The following NFAT5 variants were observed in gnomAD, a reference collection of about 807,000 sequenced individuals.
NFAT5 encodes nuclear factor of activated T-cells 5.
Under a neutral mutation model 166.5 loss-of-function variants are expected in NFAT5, and 31 were observed. The ratio of observed to expected loss-of-function variants is 0.19; its 90% CI spans 0.14 to 0.25. The LOEUF (loss-of-function observed/expected upper bound fraction) is 0.25, where lower values mean the gene tolerates loss of function less well. Among genes scored for constraint, NFAT5 ranks in the 10% least tolerant of loss-of-function variants. NFAT5 has a pLI of 1.00. For missense variants in NFAT5, 1,449 were observed against 1,821.8 expected, an observed-to-expected ratio of 0.80 and a Z score of 3.72; for synonymous variants, 612 against 639.7, an observed-to-expected ratio of 0.96 and a Z score of 0.65.
At position 69,651,560 on chromosome 16, in the gene NFAT5, A is replaced by G. The variant is rs140758272; in HGVS notation, c.813-1676A>G. ...TGGAATCTGGTTGCTTTTAGAGGAG[A>G]TTTTTCTTCACAGTCATCTGGCTCC... On this transcript the variant is annotated intron_variant, in intron 4 of 14. Transcript: ENST00000349945. Among the ~76,000 whole-genome samples the G allele has an allele frequency of 2.6e-5, 4 of 151,740 alleles. No individual in the cohort carries two copies. The East Asian group carries it at 7.7e-4, about 29-fold the overall frequency.
chr16:69,626,337 G>A, intron 2 of NFAT5, 66 bp from the exon 3 acceptor site: 2 of 1,404,794 alleles, frequency 1.4e-6, no homozygotes, highest in South Asian at 2.9e-5. Flanking sequence ...CTCATTTTGT[G>A]CATATTAGAT....
chr16:69,623,997 C>T (rs915100002), intron 2 of NFAT5, among the ~76,000 whole-genome samples: 16 of 151,892 alleles, frequency 1.1e-4, no homozygotes, highest in African/African-American at 3.9e-4. Flanking sequence ...GTGATCCACC[C>T]GCCTCGGCTT....
intron 2 of NFAT5, among the ~76,000 whole-genome samples, chr16:69,620,150 A>G (rs908549404): frequency 1.1e-4 from 17 of 152,164 alleles, no homozygotes; most frequent in East Asian, 1.9e-4. Context: ...TCATTCTTCT[A>G]TTTCCTTTTT....
intron 7 of NFAT5, among the ~76,000 whole-genome samples, chr16:69,669,137 C>T (rs1014543222): frequency 6.6e-6 from 1 of 152,180 alleles, no homozygotes; most frequent in Non-Finnish European, 1.5e-5. Flanking sequence ...TCAAGTGATC[C>T]TTCAACCTTA....
At position 69,694,246 on chromosome 16, in the gene NFAT5, A is replaced by G. The variant is rs546753827; in HGVS notation, c.4414+7A>G. ...TTATTTGGCATTCAAAATAGTAAGA[A>G]ACTCTAATTTTTCATTACTTAATTG... is the stretch of plus-strand genomic sequence containing the variant. On this transcript the variant is annotated splice_region_variant and intron_variant, in intron 13 of 14. Coordinates refer to ENST00000349945, the MANE Select transcript of NFAT5 (RefSeq NM_138713.4). 2.4e-5 allele frequency: 38 copies of G among 1,591,636 alleles called. 1 individual carries two copies. The South Asian group carries it at 4.2e-4, about 18-fold the overall frequency.
chr16:69,587,159 T>C (rs1016282976), intron 2 of NFAT5, among the ~76,000 whole-genome samples: 47 of 152,038 alleles, frequency 3.1e-4, no homozygotes, highest in African/African-American at 1.1e-3. Context: ...CTCGGCTCAC[T>C]GCAACCTCTG....
chr16:69,677,154 A>C, intron 9 of NFAT5, 49 bp from the exon 10 acceptor site: 4 of 1,544,382 alleles, frequency 2.6e-6, no homozygotes, highest in Non-Finnish European at 2.6e-6. Flanking sequence ...AAAATTTTTA[A>C]ATTTAAGTAT....
chr16:69,611,976 T>C (rs1011764198), intron 2 of NFAT5, among the ~76,000 whole-genome samples: 8 of 152,236 alleles, frequency 5.3e-5, no homozygotes, highest in Admixed American at 2.0e-4. Flanking sequence ...AGTGAATGAG[T>C]ACATGAATAA....
At chr16:69,614,902 A>T (rs2033869372) in intron 2 of NFAT5, among the ~76,000 whole-genome samples, 1 of 137,914 alleles carries the variant, frequency 7.3e-6, no homozygotes, top group Non-Finnish European at 1.5e-5. Context: ...TTTGAGACAG[A>T]ATCTTGCTCT....
chr16:69,666,988 A>G (rs941272695), intron 7 of NFAT5, among the ~76,000 whole-genome samples: 1 of 150,530 alleles, frequency 6.6e-6, no homozygotes, highest in African/African-American at 2.4e-5. Context: ...AATACTATGC[A>G]GCCATAAAAA....
intron 11 of NFAT5, chr16:69,685,190 A>AT (rs199580192): frequency 1.4e-3 from 162 of 114,134 alleles, no homozygotes; most frequent in Middle Eastern, 4.7e-3. Flanking sequence ...ATATATATAT[A>AT]TTTTTTTTTT....
chr16:69,568,376 GTATATATATA>G (rs144294785), intron 1 of NFAT5, 109 bp from the exon 2 acceptor site: 4,057 of 287,966 alleles, frequency 0.014, 575 homozygotes, highest in South Asian at 0.041. Flanking sequence ...GTGTGTGTGT[GTATATATATA>G]TATATATACA....
chr16:69,648,723 T>A, intron 4 of NFAT5: 2 of 976,344 alleles, frequency 2.0e-6, no homozygotes, highest in Non-Finnish European at 2.4e-6. Context: ...TTGTTAAAAT[T>A]TAACTCTCTA....
At chr16:69,648,620 C>T in intron 4 of NFAT5, 2 of 980,824 alleles carry the variant, frequency 2.0e-6, no homozygotes, top group South Asian at 9.4e-5. Flanking sequence ...ATAATGCAGA[C>T]TAGTATGACT....
chr16:69,623,800 C>G lies in NFAT5; in HGVS notation c.128-2603C>G, dbSNP rs564340061. 1.0e-3 allele frequency among the ~76,000 whole-genome samples: 143 copies of G among 139,688 alleles called. 2 individuals carry two copies. The highest frequency in any genetic ancestry group is 3.7e-3 in the African/African-American group (138 of 37,240). 91.6% of individuals were successfully genotyped at this position (139,688 alleles called of 152,430 possible). On this transcript the variant is annotated intron_variant, in intron 2 of 14. Coordinates refer to ENST00000349945, the MANE Select transcript of NFAT5 (RefSeq NM_138713.4). ...GGGATTACAGGCATGAGCCACCACA[C>G]CTGGCCTCAAGTCTTTTTTTTTCTT...
chr16:69,582,091 C>G (rs946977915), intron 2 of NFAT5, among the ~76,000 whole-genome samples: 3 of 151,990 alleles, frequency 2.0e-5, no homozygotes, highest in Admixed American at 2.0e-4. Context: ...ATGGTGAAAC[C>G]CCGTCTCTGC....
intron 3 of NFAT5, among the ~76,000 whole-genome samples, chr16:69,646,821 T>C (rs532240917): frequency 6.6e-6 from 1 of 152,384 alleles, no homozygotes; most frequent in African/African-American, 2.4e-5. Context: ...GTAACATAAG[T>C]AAAATAATGC....
chr16:69,608,937 C>T (rs931830177), intron 2 of NFAT5, among the ~76,000 whole-genome samples: 11 of 151,618 alleles, frequency 7.3e-5, no homozygotes, highest in African/African-American at 1.5e-4. Context: ...CTGGCTAACA[C>T]GGTGAAAACC....
In NFAT5 at chr16:69,691,745, T is replaced by C; in HGVS notation, c.1924-4T>C. 1 of 1,587,132 alleles carries C rather than the reference T, an allele frequency of 6.3e-7. No individual in the cohort carries two copies. The highest frequency in any genetic ancestry group is 8.5e-7 in the Non-Finnish European group (1 of 1,170,164). ...CATAATATTTGGGGATTTTTATTTT[T>C]TAGACTACAAAGTCTGTTGGATCAA... is the stretch of plus-strand genomic sequence containing the variant. On this transcript the variant is annotated splice_region_variant and splice_polypyrimidine_tract_variant and intron_variant, in intron 12 of 14. Transcript: ENST00000349945.
Sources: gnomAD v4.1 joint callset for allele counts (sites outside exome capture counted in the v4.1 genomes callset) on GRCh38, gnomAD v4.1.1 for gene constraint, MANE v1.5 for transcripts, NCBI Gene and HGNC (gene_info 2026-07-23, HGNC 2026-07-21) for gene names.